ZC3H12B: variants seen among roughly 807,000 people sequenced by gnomAD.
The protein encoded by ZC3H12B is probable ribonuclease ZC3H12B.
In ZC3H12B, 7 loss-of-function variants were observed where a neutral mutation model predicts 43.9. The ratio of observed to expected loss-of-function variants is 0.16; its 90% CI spans 0.09 to 0.30. The LOEUF (loss-of-function observed/expected upper bound fraction) is 0.30, where lower values mean the gene tolerates loss of function less well. Among genes scored for constraint, ZC3H12B ranks in the 10% least tolerant of loss-of-function variants. ZC3H12B has a pLI of 1.00. For synonymous variants in ZC3H12B, 222 were observed against 241.7 expected (o/e 0.92, Z 0.76); for missense variants, 475 against 670.2 (o/e 0.71, Z 3.22).
the ZC3H12B span, among the ~76,000 whole-genome samples, chrX:65,170,345 A>T: frequency 3.6e-5 from 4 of 111,703 alleles, no homozygotes; most frequent in African/African-American, 9.8e-5. Context: ...TTTATTTAAG[A>T]TTGTTGAATA....
chrX:65,103,641 G>T, the ZC3H12B span, among the ~76,000 whole-genome samples: 13 of 111,777 alleles, frequency 1.2e-4, no homozygotes, highest in African/African-American at 3.6e-4. Flanking sequence ...ACAGGCGTAA[G>T]AAATTATAAA....
chrX:65,278,377 G>T, the ZC3H12B span, among the ~76,000 whole-genome samples: 1 of 111,347 alleles, frequency 9.0e-6, no homozygotes, highest in Non-Finnish European at 1.9e-5. Flanking sequence ...ACAGTTCCGG[G>T]AATTGCACAC....
chrX:65,201,275 G>C, the ZC3H12B span, among the ~76,000 whole-genome samples: 1 of 111,356 alleles, frequency 9.0e-6, no homozygotes, highest in Non-Finnish European at 1.9e-5. Flanking sequence ...GTTCAGTCTT[G>C]AGAAGGTGGG....
chrX:65,145,834 G>A, the ZC3H12B span, among the ~76,000 whole-genome samples: 2 of 111,795 alleles, frequency 1.8e-5, no homozygotes, highest in South Asian at 7.5e-4. Flanking sequence ...AGCTTGTAAG[G>A]TTTCTGCTGA....
At chrX:65,047,424 G>A in the ZC3H12B span, among the ~76,000 whole-genome samples, 1 of 110,893 alleles carries the variant, frequency 9.0e-6, no homozygotes, top group Non-Finnish European at 1.9e-5. Context: ...AGCACTCTGT[G>A]TATGTGTGTG....
chrX:65,219,782 A>C, the ZC3H12B span, among the ~76,000 whole-genome samples: 1 of 104,479 alleles, frequency 9.6e-6, no homozygotes, highest in African/African-American at 3.5e-5. Flanking sequence ...TAGACATCCA[A>C]ATACAAGAAG....
At chrX:65,411,869 C>T (rs1418544312) in intron 3 of ZC3H12B, among the ~76,000 whole-genome samples, 1 of 108,544 alleles carries the variant, frequency 9.2e-6, no homozygotes, top group East Asian at 2.8e-4. Flanking sequence ...CAAAATATCT[C>T]ATGTACCCCA....
intron 3 of ZC3H12B, among the ~76,000 whole-genome samples, chrX:65,406,894 C>T (rs964887058): frequency 7.1e-5 from 8 of 112,437 alleles, no homozygotes; most frequent in Non-Finnish European, 1.3e-4. Flanking sequence ...CTGGCCGCAC[C>T]GCTGTGACTA....
chrX:65,137,538 T>A, the ZC3H12B span, among the ~76,000 whole-genome samples: 1 of 112,252 alleles, frequency 8.9e-6, no homozygotes, highest in African/African-American at 3.2e-5. Context: ...CACTCATAAG[T>A]AAACTGTAGA....
the ZC3H12B span, among the ~76,000 whole-genome samples, chrX:65,357,720 A>T: frequency 1.8e-5 from 2 of 112,077 alleles, no homozygotes; most frequent in African/African-American, 6.5e-5. Context: ...AAAAATTGGT[A>T]CCAGTCACTG....
chrX:65,144,472 C>T, the ZC3H12B span, among the ~76,000 whole-genome samples: 1 of 111,570 alleles, frequency 9.0e-6, no homozygotes, highest in African/African-American at 3.3e-5. Flanking sequence ...ATTTTATTTA[C>T]TCCTGCTCCG....
intron 3 of ZC3H12B, chrX:65,408,353 C>T: frequency 1.7e-6 from 2 of 1,203,316 alleles, no homozygotes; most frequent in Non-Finnish European, 2.3e-6. Flanking sequence ...GATTTGTGCA[C>T]AAGTCATCCC....
the ZC3H12B span, among the ~76,000 whole-genome samples, chrX:65,115,015 G>A: frequency 2.1e-5 from 2 of 96,185 alleles, no homozygotes; most frequent in South Asian, 9.6e-4. Context: ...TACATAATAG[G>A]TTTATATATT....
At chrX:65,412,499 G>A (rs949036574) in intron 3 of ZC3H12B, among the ~76,000 whole-genome samples, 3 of 111,024 alleles carry the variant, frequency 2.7e-5, no homozygotes, top group East Asian at 5.6e-4. Flanking sequence ...GGTTTCACTC[G>A]CCCTGTTCCC....
chrX:65,372,195 T>C (rs921960306), intron 2 of ZC3H12B, among the ~76,000 whole-genome samples: 2 of 112,307 alleles, frequency 1.8e-5, no homozygotes, highest in South Asian at 3.7e-4. Flanking sequence ...CTTATTAGCA[T>C]GTTGAAATTT....
At chrX:65,283,546 A>C in the ZC3H12B span, among the ~76,000 whole-genome samples, 5 of 111,694 alleles carry the variant, frequency 4.5e-5, no homozygotes, top group African/African-American at 1.6e-4. Context: ...TCCTCTTTGC[A>C]GATGACATGA....
chrX:65,039,426 G>A, the ZC3H12B span, among the ~76,000 whole-genome samples: 1 of 111,440 alleles, frequency 9.0e-6, no homozygotes, highest in Non-Finnish European at 1.9e-5. Flanking sequence ...TGTGAAAATG[G>A]ATATATTTCT....
chrX:65,112,334 C>A, the ZC3H12B span, among the ~76,000 whole-genome samples: 2 of 112,300 alleles, frequency 1.8e-5, no homozygotes, highest in Non-Finnish European at 3.8e-5. Context: ...CATAAAAATA[C>A]AAGGTGAAGC....
At chrX:65,453,920 G>T (rs971161401) in intron 3 of ZC3H12B, among the ~76,000 whole-genome samples, 3 of 111,835 alleles carry the variant, frequency 2.7e-5, no homozygotes, top group Non-Finnish European at 3.8e-5. Context: ...TGGAGGAAAG[G>T]ATGGGAGGGG....
Sources: allele counts gnomAD v4.1 joint callset (sites outside exome capture counted in the v4.1 genomes callset), GRCh38; gene constraint gnomAD v4.1.1; transcripts MANE v1.5; gene names NCBI Gene and HGNC (gene_info 2026-07-23, HGNC 2026-07-21).